MAPK4: variants seen among roughly 807,000 people sequenced by gnomAD.
The protein encoded by MAPK4 is Erk3-related.
MAPK4 carries 22 observed loss-of-function variants against 47.7 expected under a neutral mutation model. The ratio of observed to expected loss-of-function variants is 0.46; its 90% CI spans 0.33 to 0.66. The LOEUF (loss-of-function observed/expected upper bound fraction) is 0.66. Ranked by LOEUF, MAPK4 falls within the 30% of genes least tolerant of loss-of-function variation. The pLI is 0.02. For missense variants in MAPK4, 736 were observed against 831.7 expected, an observed-to-expected ratio of 0.88 and a Z score of 1.42; for synonymous variants, 390 against 365.7, an observed-to-expected ratio of 1.07 and a Z score of -0.76.
intron 1 of MAPK4, among the ~76,000 whole-genome samples, chr18:50,635,867 C>G (rs1319071105): frequency 6.6e-6 from 1 of 152,190 alleles, no homozygotes; most frequent in African/African-American, 2.4e-5. Flanking sequence ...TTCACAAAGG[C>G]CCCAGGATGT....
rs752170081 is a variant in MAPK4, at chr18:50,729,150, C to G, written c.1068-8C>G. 1 of 1,562,394 alleles carries G rather than the reference C, an allele frequency of 6.4e-7. No individual in the cohort carries two copies. The highest frequency in any genetic ancestry group is 1.8e-5 in the Admixed American group (1 of 56,928). Reference sequence around the variant, plus strand: ...CATCCAATCACCGCTCTGTTTGTACCCTTGCAGGTACCCTGTGAGCCTGTC... The same window carrying G: ...CATCCAATCACCGCTCTGTTTGTACGCTTGCAGGTACCCTGTGAGCCTGTC... On this transcript the variant is annotated splice_region_variant and splice_polypyrimidine_tract_variant and intron_variant, in intron 5 of 5. Transcript: ENST00000400384.
intron 2 of MAPK4, among the ~76,000 whole-genome samples, chr18:50,681,964 A>G (rs560821183): frequency 6.6e-5 from 10 of 152,350 alleles, no homozygotes; most frequent in Admixed American, 5.9e-4. Context: ...GAAAGAAGCC[A>G]GTCACACAAA....
intron 1 of MAPK4, among the ~76,000 whole-genome samples, chr18:50,637,858 G>C (rs1405160223): frequency 6.6e-6 from 1 of 152,148 alleles, no homozygotes; most frequent in Non-Finnish European, 1.5e-5. Context: ...TTTCTTATAA[G>C]GACGTCTGTC....
intron 2 of MAPK4, among the ~76,000 whole-genome samples, chr18:50,688,362 C>T (rs1909006593): frequency 6.6e-6 from 1 of 152,100 alleles, no homozygotes; most frequent in African/African-American, 2.4e-5. Context: ...CAGACCCCTC[C>T]CCAGGGCCCC....
intron 1 of MAPK4, among the ~76,000 whole-genome samples, chr18:50,660,853 G>T (rs1300426328): frequency 2.6e-5 from 4 of 152,184 alleles, no homozygotes; most frequent in African/African-American, 9.7e-5. Context: ...TGGAATTGAG[G>T]CTTGCCACGT....
intron 1 of MAPK4, among the ~76,000 whole-genome samples, chr18:50,623,403 CCTGT>C (rs2042749312): frequency 6.6e-6 from 1 of 152,230 alleles, no homozygotes; most frequent in African/African-American, 2.4e-5. Flanking sequence ...TCCCCACTTT[CCTGT>C]CTGTGTAAAT....
At chr18:50,590,434 T>G (rs951459530) in intron 1 of MAPK4, among the ~76,000 whole-genome samples, 11 of 152,170 alleles carry the variant, frequency 7.2e-5, no homozygotes, top group South Asian at 2.1e-4. Flanking sequence ...AGGAGAGAGA[T>G]AAGTCCAGCA....
chr18:50,723,977 C>A (rs922251070), intron 4 of MAPK4, among the ~76,000 whole-genome samples: 4 of 152,096 alleles, frequency 2.6e-5, no homozygotes, highest in African/African-American at 4.8e-5. Context: ...GATTTTCATC[C>A]GTGATGGAGT....
intron 1 of MAPK4, among the ~76,000 whole-genome samples, chr18:50,655,831 C>T (rs972218047): frequency 3.9e-5 from 6 of 152,194 alleles, no homozygotes; most frequent in African/African-American, 1.4e-4. Context: ...TTCTGGGCCT[C>T]AGGGATGCTT....
intron 3 of MAPK4, among the ~76,000 whole-genome samples, chr18:50,717,039 C>T (rs1475165263): frequency 1.3e-5 from 2 of 152,168 alleles, no homozygotes; most frequent in African/African-American, 2.4e-5. Context: ...GCTGTTGGCA[C>T]CTACGTCATG....
chr18:50,694,792 C>T (rs973026043), intron 2 of MAPK4, among the ~76,000 whole-genome samples: 1 of 152,160 alleles, frequency 6.6e-6, no homozygotes, highest in African/African-American at 2.4e-5. Context: ...ACACCAACCT[C>T]AGTGAGAGAG....
chr18:50,673,437 G>A (rs1035133301), intron 2 of MAPK4, among the ~76,000 whole-genome samples: 6 of 152,258 alleles, frequency 3.9e-5, no homozygotes, highest in African/African-American at 1.2e-4. Context: ...TCTGCAGCCC[G>A]CTAGGGACGC....
chr18:50,673,828 C>G (rs984386322), intron 2 of MAPK4, among the ~76,000 whole-genome samples: 1 of 152,142 alleles, frequency 6.6e-6, no homozygotes, highest in African/African-American at 2.4e-5. Context: ...TGCACTCCAG[C>G]CTGGGCGACG....
chr18:50,658,780 G>A (rs2043138512), intron 1 of MAPK4, among the ~76,000 whole-genome samples: 1 of 152,190 alleles, frequency 6.6e-6, no homozygotes. Context: ...AGCTCCCTAG[G>A]AGGCCAGGCC....
At chr18:50,602,762 T>C (rs2196642) in intron 1 of MAPK4, among the ~76,000 whole-genome samples, 89,522 of 151,970 alleles carry the variant, frequency 0.59, 27,274 homozygotes, top group African/African-American at 0.77. Context: ...TAGGCCACAC[T>C]CCCTGCATGA....
At chr18:50,592,796 T>C (rs2042449115) in intron 1 of MAPK4, among the ~76,000 whole-genome samples, 1 of 152,252 alleles carries the variant, frequency 6.6e-6, no homozygotes, top group South Asian at 2.1e-4. Context: ...CCTTAGGGGC[T>C]GTGTAGTCCA....
chr18:50,601,942 C>T (rs1277158298), intron 1 of MAPK4, among the ~76,000 whole-genome samples: 1 of 152,136 alleles, frequency 6.6e-6, no homozygotes, highest in African/African-American at 2.4e-5. Flanking sequence ...GTGTTCCCTC[C>T]ATCCTATGGA....
At chr18:50,587,966 C>T (rs975220715) in intron 1 of MAPK4, among the ~76,000 whole-genome samples, 4 of 151,886 alleles carry the variant, frequency 2.6e-5, no homozygotes, top group South Asian at 2.1e-4. Context: ...CTTGACCTCA[C>T]GTGATCCAAC....
chr18:50,641,391 T>C (rs988799141), intron 1 of MAPK4, among the ~76,000 whole-genome samples: 1 of 147,128 alleles, frequency 6.8e-6, no homozygotes, highest in African/African-American at 2.7e-5. Context: ...GTTTTATAGA[T>C]ACTTGATTTG....
Sources: gnomAD v4.1 joint callset for allele counts (sites outside exome capture counted in the v4.1 genomes callset) on GRCh38, gnomAD v4.1.1 for gene constraint, MANE v1.5 for transcripts, NCBI Gene and HGNC (gene_info 2026-07-23, HGNC 2026-07-21) for gene names.